The following AOPEP variants were observed in gnomAD, a reference collection of about 807,000 sequenced individuals.
AOPEP encodes the protein aminopeptidase O.
Under a neutral mutation model 98.1 loss-of-function variants are expected in AOPEP, and 77 were observed. That is an observed-to-expected ratio of 0.78 (90% CI 0.65 to 0.95). The LOEUF (loss-of-function observed/expected upper bound fraction) is 0.95. Among genes scored for constraint, AOPEP ranks in the 40% least tolerant of loss-of-function variants. AOPEP has a pLI of 0.00. For missense variants in AOPEP, 1,024 were observed against 1,024.7 expected (o/e 1.00, Z 0.01); for synonymous variants, 346 against 365.3 (o/e 0.95, Z 0.60).
At chr9:94,905,642 C>T (rs1319530509) in intron 5 of AOPEP, among the ~76,000 whole-genome samples, 1 of 152,146 alleles carries the variant, frequency 6.6e-6, no homozygotes, top group Non-Finnish European at 1.5e-5. Flanking sequence ...GCTCACCTCA[C>T]GCTTTTGCCC....
At chr9:94,946,869 G>A (rs2057689641) in intron 7 of AOPEP, among the ~76,000 whole-genome samples, 1 of 152,020 alleles carries the variant, frequency 6.6e-6, no homozygotes, top group Non-Finnish European at 1.5e-5. Flanking sequence ...AGCATGGAGT[G>A]GAACTGTTAT....
chr9:94,961,352 A>G lies in AOPEP; in HGVS notation c.1872+5337A>G, dbSNP rs1293511207. Among the ~76,000 whole-genome samples the G allele has an allele frequency of 2.0e-5, 3 of 152,194 alleles. No homozygotes were observed. The South Asian group carries it at 6.2e-4, about 32-fold the overall frequency. The stretch of plus-strand genomic sequence containing the variant: ...CTAGATTCTATTCTTTCCTCTTTCA[A>G]TAAGTATGTCTTCATTGTATTTTTG... On this transcript the variant is annotated intron_variant, in intron 9 of 16. Coordinates refer to ENST00000375315, the MANE Select transcript of AOPEP (RefSeq NM_001193329.3).
intron 3 of AOPEP, among the ~76,000 whole-genome samples, chr9:94,791,738 A>G (rs1202141226): frequency 1.3e-5 from 2 of 152,116 alleles, no homozygotes; most frequent in Non-Finnish European, 2.9e-5. Context: ...GTAACAAAAT[A>G]ATCTATACAC....
chr9:94,878,317 T>C (rs1212889976), intron 5 of AOPEP, among the ~76,000 whole-genome samples: 2 of 150,014 alleles, frequency 1.3e-5, no homozygotes, highest in Non-Finnish European at 3.0e-5. Flanking sequence ...CTCCAACAGG[T>C]GTTCTAAGAG....
chr9:94,831,149 T>A (rs988982839), intron 5 of AOPEP, among the ~76,000 whole-genome samples: 1 of 152,254 alleles, frequency 6.6e-6, no homozygotes, highest in Non-Finnish European at 1.5e-5. Context: ...TGAATGGTAT[T>A]GCCTTGATTT....
the AOPEP span, among the ~76,000 whole-genome samples, chr9:95,116,540 G>A: frequency 6.6e-6 from 1 of 152,214 alleles, no homozygotes; most frequent in African/African-American, 2.4e-5. Flanking sequence ...AAAAGGAAAT[G>A]TGACTGGCTC....
At chr9:94,753,726 CAA>C (rs1437452060) in intron 1 of AOPEP, among the ~76,000 whole-genome samples, 1 of 151,968 alleles carries the variant, frequency 6.6e-6, no homozygotes, top group Non-Finnish European at 1.5e-5. Flanking sequence ...ACAGCCAAGG[CAA>C]AAAGAGTCCA....
intron 5 of AOPEP, among the ~76,000 whole-genome samples, chr9:94,864,356 C>T (rs999386361): frequency 6.6e-6 from 1 of 152,146 alleles, no homozygotes; most frequent in Non-Finnish European, 1.5e-5. Context: ...TACTCAGTTG[C>T]TTATTATATG....
At chr9:94,762,891 G>C (rs1350447900) in intron 2 of AOPEP, among the ~76,000 whole-genome samples, 1 of 152,104 alleles carries the variant, frequency 6.6e-6, no homozygotes, top group East Asian at 1.9e-4. Flanking sequence ...TAAATGAATA[G>C]TAATTATCAG....
At chr9:94,787,328 G>A (rs1844649316) in intron 3 of AOPEP, among the ~76,000 whole-genome samples, 1 of 152,168 alleles carries the variant, frequency 6.6e-6, no homozygotes, top group Non-Finnish European at 1.5e-5. Context: ...GAAGGTGCTG[G>A]GTTGTGATGG....
chr9:95,107,060 A>T, the AOPEP span: 4 of 1,614,054 alleles, frequency 2.5e-6, no homozygotes, highest in Non-Finnish European at 3.4e-6. Flanking sequence ...CCACAGGGAG[A>T]CTTACCAGGG....
chr9:95,086,173 C>T (rs1053610640), intron 16 of AOPEP: 59 of 1,325,436 alleles, frequency 4.5e-5, no homozygotes, highest in Middle Eastern at 2.6e-4. Context: ...CAGACAGGCC[C>T]GCGTCCACCC....
At chr9:94,797,054 TGTAAA>T (rs1847107930) in intron 4 of AOPEP, among the ~76,000 whole-genome samples, 1 of 152,156 alleles carries the variant, frequency 6.6e-6, no homozygotes, top group African/African-American at 2.4e-5. Flanking sequence ...TCTTTAGAGT[TGTAAA>T]GTATATGAAA....
At chr9:95,061,377 A>G (rs911517207) in intron 14 of AOPEP, among the ~76,000 whole-genome samples, 6 of 152,260 alleles carry the variant, frequency 3.9e-5, no homozygotes, top group African/African-American at 1.4e-4. Context: ...TAAATAATGT[A>G]TTCAGACATC....
chr9:95,048,801 C>CAAATT (rs1420042847), intron 13 of AOPEP: 1 of 152,172 alleles, frequency 6.6e-6, no homozygotes, highest in Non-Finnish European at 1.5e-5. Context: ...ATTGTGATTT[C>CAAATT]GTGCGTGTTT....
At chr9:94,942,565 A>G (rs2057124327) in intron 7 of AOPEP, among the ~76,000 whole-genome samples, 1 of 152,184 alleles carries the variant, frequency 6.6e-6, no homozygotes. Context: ...ACTGGAGGTT[A>G]TAGCCAGGGC....
chr9:94,798,436 G>A (rs1847514576), intron 4 of AOPEP, among the ~76,000 whole-genome samples: 1 of 152,178 alleles, frequency 6.6e-6, no homozygotes, highest in Admixed American at 6.5e-5. Flanking sequence ...TGTCTATCAG[G>A]TTTAGGTTGT....
chr9:95,031,646 C>G (rs940145593), intron 13 of AOPEP, among the ~76,000 whole-genome samples: 17 of 152,306 alleles, frequency 1.1e-4, no homozygotes, highest in Non-Finnish European at 2.5e-4. Context: ...CTACTCTACA[C>G]GTAACTGATG....
intron 5 of AOPEP, among the ~76,000 whole-genome samples, chr9:94,859,929 G>T (rs1219941246): frequency 6.6e-6 from 1 of 152,266 alleles, no homozygotes; most frequent in South Asian, 2.1e-4. Context: ...TAAATTCTTC[G>T]GCTACAGTGA....
Sources: gnomAD v4.1 joint callset for allele counts (sites outside exome capture counted in the v4.1 genomes callset) on GRCh38, gnomAD v4.1.1 for gene constraint, MANE v1.5 for transcripts, NCBI Gene and HGNC (gene_info 2026-07-23, HGNC 2026-07-21) for gene names.